Variants in SYNDIG1 observed in about 807,000 individuals in gnomAD.
SYNDIG1 encodes the protein synapse differentiation-inducing gene protein 1.
Under a neutral mutation model 19.4 loss-of-function variants are expected in SYNDIG1, and 9 were observed. The ratio of observed to expected loss-of-function variants is 0.46; its 90% CI spans 0.28 to 0.81. The LOEUF is 0.81. SYNDIG1 is among the 30% of genes least tolerant of loss of function. The pLI, the probability that SYNDIG1 is intolerant of heterozygous loss-of-function variation, is 0.12. For synonymous variants in SYNDIG1, 141 were observed against 145.9 expected (o/e 0.97, Z 0.24); for missense variants, 311 against 343.3 (o/e 0.91, Z 0.74).
At chr20:24,481,052 G>A (rs781217628) in intron 1 of SYNDIG1, among the ~76,000 whole-genome samples, 65 of 152,082 alleles carry the variant, frequency 4.3e-4, no homozygotes, top group Non-Finnish European at 1.0e-4. Flanking sequence ...CCCTTGTGCA[G>A]CAATGTCAAT....
intron 2 of SYNDIG1, among the ~76,000 whole-genome samples, chr20:24,558,513 C>T (rs2057871905): frequency 6.6e-6 from 1 of 152,182 alleles, no homozygotes; most frequent in Non-Finnish European, 1.5e-5. Flanking sequence ...GTATTTAGTC[C>T]ATTGGCATTA....
chr20:24,621,516 AC>A (rs899568181), intron 3 of SYNDIG1, among the ~76,000 whole-genome samples: 2 of 152,282 alleles, frequency 1.3e-5, no homozygotes, highest in East Asian at 3.9e-4. Context: ...TTGGTCCCAA[AC>A]CCATGTGCTG....
intron 1 of SYNDIG1, among the ~76,000 whole-genome samples, chr20:24,531,875 T>G (rs538352896): frequency 6.6e-6 from 1 of 152,354 alleles, no homozygotes; most frequent in East Asian, 1.9e-4. Flanking sequence ...TGCAAAAGCA[T>G]CTGCTGTATT....
At chr20:24,625,990 G>A (rs139065841) in intron 3 of SYNDIG1, among the ~76,000 whole-genome samples, 2 of 150,458 alleles carry the variant, frequency 1.3e-5, no homozygotes, top group Non-Finnish European at 3.0e-5. Flanking sequence ...GCCAGGCGGG[G>A]GGCTGGCCCC....
chr20:24,494,365 G>C (rs932861099), intron 1 of SYNDIG1, among the ~76,000 whole-genome samples: 4 of 152,192 alleles, frequency 2.6e-5, no homozygotes. Context: ...TGGCGGGTCC[G>C]AGGGTGACTG....
intron 1 of SYNDIG1, among the ~76,000 whole-genome samples, chr20:24,512,427 G>C (rs2056768413): frequency 6.6e-6 from 1 of 151,808 alleles, no homozygotes; most frequent in Non-Finnish European, 1.5e-5. Flanking sequence ...TGGAAAATCA[G>C]GTCCCTCCCA....
intron 2 of SYNDIG1, among the ~76,000 whole-genome samples, chr20:24,563,073 G>A (rs556254437): frequency 2.0e-5 from 3 of 152,260 alleles, no homozygotes; most frequent in South Asian, 2.1e-4. Context: ...TTGACTGAAG[G>A]CCCTCTTGTC....
chr20:24,529,357 T>C (rs2057193882), intron 1 of SYNDIG1, among the ~76,000 whole-genome samples: 3 of 151,874 alleles, frequency 2.0e-5, no homozygotes, highest in African/African-American at 7.3e-5. Context: ...GTAGTGATGG[T>C]GGTGGTGGTG....
chr20:24,592,502 G>A (rs182555261), intron 3 of SYNDIG1, among the ~76,000 whole-genome samples: 2 of 152,272 alleles, frequency 1.3e-5, no homozygotes, highest in Admixed American at 1.3e-4. Flanking sequence ...GCCAGCAGTT[G>A]GAATTTGCTT....
chr20:24,520,064 T>C (rs1297645063), intron 1 of SYNDIG1, among the ~76,000 whole-genome samples: 1 of 152,280 alleles, frequency 6.6e-6, no homozygotes, highest in East Asian at 1.9e-4. Flanking sequence ...TTTCTGAAAT[T>C]CTGAAACAGT....
At chr20:24,551,394 G>T (rs2079546873) in intron 2 of SYNDIG1, among the ~76,000 whole-genome samples, 5 of 152,098 alleles carry the variant, frequency 3.3e-5, no homozygotes, top group Admixed American at 2.0e-4. Context: ...GGTCAGTCTA[G>T]ATAGAAATTG....
At chr20:24,559,461 A>G (rs1244221604) in intron 2 of SYNDIG1, among the ~76,000 whole-genome samples, 1 of 152,252 alleles carries the variant, frequency 6.6e-6, no homozygotes, top group Non-Finnish European at 1.5e-5. Flanking sequence ...AAAAAGGAAA[A>G]AAGATCTATA....
rs561178175 is a variant in SYNDIG1 at position 24,486,662 on chromosome 20, T to A, written c.-79+16909T>A. 8.3e-3 allele frequency among the ~76,000 whole-genome samples: 1,256 copies of A among 150,878 alleles called. 21 individuals carry two copies. The highest frequency in any genetic ancestry group is 0.027 in the African/African-American group (1,119 of 41,036). On this transcript the variant is annotated intron_variant, in intron 1 of 3. Coordinates refer to ENST00000376862, the MANE Select transcript of SYNDIG1 (RefSeq NM_024893.3). ...CATTTATTTATTTATTTATTTAATT[T>A]TTTTTTTGTTTTTTTGTGATGGAGT...
intron 1 of SYNDIG1, among the ~76,000 whole-genome samples, chr20:24,494,248 T>C (rs774160103): frequency 2.0e-4 from 30 of 151,802 alleles, no homozygotes; most frequent in African/African-American, 5.3e-4. Context: ...TAAGGGAAGA[T>C]AGTGAAGGAT....
rs1259700966 is a variant in SYNDIG1, at chr20:24,665,858, A to G, written c.*354A>G. 3.2e-5 allele frequency: 8 copies of G among 251,912 alleles called. No individual in the cohort carries two copies. Among genetic ancestry groups the G allele is most frequent in the Non-Finnish European group, 5.9e-5 (8 of 134,564 alleles). The allele number at this position is 251,912 out of a possible 1,614,324, so 15.6% of individuals were successfully genotyped here. The stretch of plus-strand genomic sequence containing the variant: ...TAGCAATATACAAACAGTCCAAAAA[A>G]GTGTTTATTTTTTATGGAATACGGT... On this transcript the variant is annotated 3_prime_UTR_variant, in exon 4 of 4. Transcript: ENST00000376862.
intron 1 of SYNDIG1, among the ~76,000 whole-genome samples, chr20:24,510,583 AAAG>A (rs2056719987): frequency 6.6e-6 from 1 of 151,896 alleles, no homozygotes; most frequent in South Asian, 2.1e-4. Context: ...AAAAAAAAAA[AAAG>A]AAAAGAAATA....
intron 2 of SYNDIG1, among the ~76,000 whole-genome samples, chr20:24,581,035 C>T (rs2058313858): frequency 6.6e-6 from 1 of 152,168 alleles, no homozygotes; most frequent in South Asian, 2.1e-4. Context: ...GAAGCAGAGT[C>T]ATCAGAGTCC....
At chr20:24,578,240 C>T (rs1324505425) in intron 2 of SYNDIG1, among the ~76,000 whole-genome samples, 11 of 151,950 alleles carry the variant, frequency 7.2e-5, no homozygotes, top group Non-Finnish European at 1.5e-4. Flanking sequence ...GTCAGGAGTT[C>T]GAGACCAGCC....
At chr20:24,546,785 A>T (rs959296040) in intron 2 of SYNDIG1, among the ~76,000 whole-genome samples, 1 of 149,920 alleles carries the variant, frequency 6.7e-6, no homozygotes, top group South Asian at 2.1e-4. Context: ...TTTTGGCATC[A>T]TTTTTTTTTT....
Sources: allele counts gnomAD v4.1 joint callset (sites outside exome capture counted in the v4.1 genomes callset), GRCh38; gene constraint gnomAD v4.1.1; transcripts MANE v1.5; gene names NCBI Gene and HGNC (gene_info 2026-07-23, HGNC 2026-07-21).